Variants in UBR2 observed in about 807,000 individuals in gnomAD.
UBR2 encodes ubiquitin protein ligase E3 component n-recognin 2.
A neutral mutation model predicts 247.9 loss-of-function variants in UBR2; 92 were observed. The ratio of observed to expected loss-of-function variants is 0.37; its 90% CI spans 0.31 to 0.44. The LOEUF (loss-of-function observed/expected upper bound fraction) is 0.44. UBR2 is among the 20% of genes least tolerant of loss of function. UBR2 has a pLI of 1.00. For synonymous variants in UBR2, 672 were observed against 693.5 expected, an observed-to-expected ratio of 0.97 and a Z score of 0.49; for missense variants, 1,613 against 2,112.6, an observed-to-expected ratio of 0.76 and a Z score of 4.64.
intron 11 of UBR2, among the ~76,000 whole-genome samples, chr6:42,620,639 G>A (rs1451355034): frequency 6.6e-6 from 1 of 151,050 alleles, no homozygotes; most frequent in African/African-American, 2.4e-5. Context: ...ATTTATAATA[G>A]AGATGGGGTT....
At chr6:42,662,901 C>T (rs1472567061) in intron 31 of UBR2, among the ~76,000 whole-genome samples, 2 of 151,860 alleles carry the variant, frequency 1.3e-5, no homozygotes, top group Non-Finnish European at 2.9e-5. Context: ...TGCAACTGCA[C>T]TCCAGCCTGG....
Position 42,617,394 on chromosome 6 carries a change from T to A in UBR2, c.1183-15T>A. The stretch of plus-strand genomic sequence containing the variant: ...GATAGCTGGCACTCCTTGCCTTTTT[T>A]TGCCTTCTTAATAGAACTATGAGCG... On this transcript the variant is annotated splice_polypyrimidine_tract_variant and intron_variant, in intron 10 of 46. Coordinates refer to ENST00000372901, the MANE Select transcript of UBR2 (RefSeq NM_001363705.2). 6.2e-7 allele frequency: 1 copy of A among 1,612,468 alleles called. No homozygotes were observed. The highest frequency in any genetic ancestry group is 1.7e-5 in the Admixed American group (1 of 59,600).
intron 11 of UBR2, among the ~76,000 whole-genome samples, chr6:42,630,055 G>A (rs1406732277): frequency 6.6e-6 from 1 of 151,954 alleles, no homozygotes; most frequent in Admixed American, 6.6e-5. Context: ...AGCCACTGTG[G>A]CCAGCTACTT....
At chr6:42,625,904 C>G (rs977236835) in intron 11 of UBR2, among the ~76,000 whole-genome samples, 2 of 151,372 alleles carry the variant, frequency 1.3e-5, no homozygotes, top group African/African-American at 4.9e-5. Context: ...TGCTCCGCCT[C>G]CCGGGTTCAC....
At position 42,586,422 on chromosome 6, in the gene UBR2, A is replaced by G. The variant is rs903546057; in HGVS notation, c.339-5729A>G. Among the ~76,000 whole-genome samples the G allele has an allele frequency of 4.6e-5, 7 of 152,014 alleles. No individual in the cohort carries two copies. In the East Asian group the frequency reaches 1.2e-3, roughly 25 times the overall value. ...ACATGGTCAGTCTTATTCCATGTGC[A>G]TTTGAAAAGAAGGTATATTTTGCAG... On this transcript the variant is annotated intron_variant, in intron 2 of 46. Coordinates refer to ENST00000372901, the MANE Select transcript of UBR2 (RefSeq NM_001363705.2).
At chr6:42,605,669 G>A in intron 5 of UBR2, 52 bp from the exon 6 acceptor site, 1 of 1,545,098 alleles carries the variant, frequency 6.5e-7, no homozygotes, top group East Asian at 2.3e-5. Context: ...AGTCAGCCTG[G>A]AGCAAGATAA....
chr6:42,679,503 T>G (rs547224945), intron 41 of UBR2, among the ~76,000 whole-genome samples: 1 of 152,392 alleles, frequency 6.6e-6, no homozygotes, highest in African/African-American at 2.4e-5. Context: ...ACCAGGACAT[T>G]GGGACCAGTT....
intron 8 of UBR2, among the ~76,000 whole-genome samples, chr6:42,614,247 C>T (rs1409689370): frequency 5.4e-4 from 8 of 14,812 alleles, no homozygotes; most frequent in Non-Finnish European, 1.5e-3. Context: ...CACACACACG[C>T]GCGCACATAT....
At chr6:42,621,857 G>C (rs1229705032) in intron 11 of UBR2, among the ~76,000 whole-genome samples, 3 of 152,158 alleles carry the variant, frequency 2.0e-5, no homozygotes. Flanking sequence ...TATTTTGATT[G>C]AGATTGAAAT....
chr6:42,645,543 A>G lies in UBR2; in HGVS notation c.2362A>G (p.Ile788Val). 1 of 1,613,926 alleles carries G rather than the reference A, an allele frequency of 6.2e-7. No individual in the cohort carries two copies. The stretch of plus-strand genomic sequence containing the variant: ...GCGAGAGATTATCCATCAGTTGAGT[A>G]TCAAGCCTATGGCTCATAGTGAATT... ...IKREIIHQLS[I>V]KPMAHSELVK... The change falls in exon 21 of 47, where the codon ATC (isoleucine) becomes GTC (valine). Residue 788 changes from isoleucine to valine, a missense_variant. This residue lies in a region of UBR2 where 1,524 missense variants were observed against 1,967.3 expected (regional missense o/e 0.77). Coordinates refer to ENST00000372901, the MANE Select transcript of UBR2 (RefSeq NM_001363705.2).
At chr6:42,678,331 G>A (rs887848380) in intron 40 of UBR2, among the ~76,000 whole-genome samples, 16 of 152,190 alleles carry the variant, frequency 1.1e-4, no homozygotes, top group Non-Finnish European at 1.5e-4. Flanking sequence ...GCGAGACTCC[G>A]TCTCAAAAAA....
chr6:42,655,915 A>G (rs1393966958), intron 26 of UBR2, among the ~76,000 whole-genome samples, 192 bp downstream of exon 26: 1 of 152,196 alleles, frequency 6.6e-6, no homozygotes, highest in Non-Finnish European at 1.5e-5. Context: ...AAAAATATCT[A>G]GGGCTAAGTT....
chr6:42,661,267 G>A (rs533168492), intron 30 of UBR2, among the ~76,000 whole-genome samples: 27 of 151,796 alleles, frequency 1.8e-4, no homozygotes, highest in Non-Finnish European at 2.4e-4. Flanking sequence ...CAATCTGGGC[G>A]ACAAAGCGAG....
At chr6:42,680,123 G>A (rs560688628) in intron 42 of UBR2, among the ~76,000 whole-genome samples, 52 of 151,970 alleles carry the variant, frequency 3.4e-4, no homozygotes, top group Non-Finnish European at 6.2e-4. Flanking sequence ...CTCCTGCCTC[G>A]GCCTCCCAAG....
At chr6:42,572,151 A>T (rs1181274662) in intron 1 of UBR2, among the ~76,000 whole-genome samples, 1 of 152,192 alleles carries the variant, frequency 6.6e-6, no homozygotes, top group East Asian at 1.9e-4. Context: ...TGCATAATGT[A>T]AACACAACAA....
chr6:42,688,485 A>C, intron 45 of UBR2, 99 bp downstream of exon 45: 2 of 1,394,726 alleles, frequency 1.4e-6, no homozygotes, highest in Non-Finnish European at 2.0e-6. Flanking sequence ...TTTTGAGACT[A>C]CTGTTCCGTG....
chr6:42,585,852 A>AT (rs1562285152), intron 2 of UBR2, among the ~76,000 whole-genome samples: 1 of 151,628 alleles, frequency 6.6e-6, no homozygotes, highest in Non-Finnish European at 1.5e-5. Flanking sequence ...TAGCTTTGTT[A>AT]TTTTTGTCTT....
intron 44 of UBR2, 92 bp from the exon 45 acceptor site, chr6:42,688,124 A>G (rs373124560): frequency 4.1e-6 from 6 of 1,468,526 alleles, no homozygotes; most frequent in Non-Finnish European, 4.8e-6. Flanking sequence ...TTTACTTGAT[A>G]TTGCAGAATT....
Position 42,644,196 on chromosome 6 carries a change from A to AT in UBR2, c.2098-16dup, listed in dbSNP as rs769447676. ...CTTCCTCTTTTCCTTTATCTCAAACATTAAAAAAAAAAAAAAGACAGGTGT... is the reference window on the plus strand; with the variant it reads ...CTTCCTCTTTTCCTTTATCTCAAACATTTAAAAAAAAAAAAAAGACAGGTGT... On this transcript the variant is annotated splice_polypyrimidine_tract_variant and intron_variant, in intron 18 of 46. Coordinates refer to ENST00000372901, the MANE Select transcript of UBR2 (RefSeq NM_001363705.2). 11 of 1,577,676 alleles carry AT rather than the reference A, an allele frequency of 7.0e-6. No individual in the cohort carries two copies. The African/African-American group carries it at 7.0e-5, about 10-fold the overall frequency.
Sources: allele counts gnomAD v4.1 joint callset (sites outside exome capture counted in the v4.1 genomes callset), GRCh38; gene constraint gnomAD v4.1.1; regional missense constraint gnomAD v4.1.1; transcripts MANE v1.5; gene names NCBI Gene and HGNC (gene_info 2026-07-23, HGNC 2026-07-21).